Variants in PAQR8 observed in about 807,000 individuals in gnomAD.
The protein encoded by PAQR8 is membrane progestin receptor beta.
Under a neutral mutation model 25.2 loss-of-function variants are expected in PAQR8, and 17 were observed. The observed-to-expected ratio is 0.67, with a 90% CI of 0.46 to 1.01. The LOEUF (loss-of-function observed/expected upper bound fraction) is 1.01, where lower values mean the gene tolerates loss of function less well. Among genes scored for constraint, PAQR8 ranks in the 50% least tolerant of loss-of-function variants. The probability of loss-of-function intolerance (pLI) is 0.00; values close to 1 mark genes in which losing one functional copy is unlikely to be tolerated. For missense variants in PAQR8, 392 were observed against 448.4 expected, an observed-to-expected ratio of 0.87 and a Z score of 1.14; for synonymous variants, 204 against 190.6, an observed-to-expected ratio of 1.07 and a Z score of -0.58.
chr6:52,399,334 G>A (rs1222874328), intron 1 of PAQR8, among the ~76,000 whole-genome samples: 1 of 152,192 alleles, frequency 6.6e-6, no homozygotes, highest in Non-Finnish European at 1.5e-5. Context: ...TAATAAGGCA[G>A]TATCATGTTC....
chr6:52,365,672 T>C (rs1763343600), intron 1 of PAQR8, among the ~76,000 whole-genome samples: 1 of 152,244 alleles, frequency 6.6e-6, no homozygotes, highest in Admixed American at 6.5e-5. Context: ...TGCAACTAAC[T>C]ACAAATAGAA....
intron 1 of PAQR8, among the ~76,000 whole-genome samples, chr6:52,370,406 A>G (rs1056751660): frequency 1.3e-5 from 2 of 152,230 alleles, no homozygotes; most frequent in African/African-American, 4.8e-5. Context: ...CAACACTGCT[A>G]GATTCCTTGA....
At chr6:52,364,841 GAAT>G (rs1385984680) in intron 1 of PAQR8, among the ~76,000 whole-genome samples, 1 of 152,216 alleles carries the variant, frequency 6.6e-6, no homozygotes, top group Non-Finnish European at 1.5e-5. Context: ...GTTGGTCCCT[GAAT>G]AACACCGGGG....
intron 1 of PAQR8, among the ~76,000 whole-genome samples, chr6:52,401,499 A>G (rs1763829252): frequency 6.6e-6 from 1 of 152,234 alleles, no homozygotes; most frequent in South Asian, 2.1e-4. Context: ...GAGAAATACA[A>G]GTGTAAGTTA....
At chr6:52,391,757 A>C (rs1763712053) in intron 1 of PAQR8, among the ~76,000 whole-genome samples, 1 of 152,214 alleles carries the variant, frequency 6.6e-6, no homozygotes, top group Admixed American at 6.5e-5. Flanking sequence ...ATTTATAATT[A>C]TGCAGTGATG....
Position 52,404,062 on chromosome 6 carries a change from G to A in PAQR8, c.849G>A (p.Gln283=), listed in dbSNP as rs1763878026. The A allele has an allele frequency of 6.2e-7, 1 of 1,614,232 alleles. No individual in the cohort carries two copies. The part of the protein sequence containing the change: ...GSCDIVGHGH[Q]IFHAFLSICT... ...GTGACATCGTGGGCCATGGGCATCA[G>A]ATCTTCCATGCATTTCTGTCCATCT... The change falls in exon 2 of 2, where the codon CAG becomes CAA. Residue 283 remains glutamine, a synonymous_variant. Transcript: ENST00000442253.
At chr6:52,402,007 G>A (rs1763835278) in intron 1 of PAQR8, among the ~76,000 whole-genome samples, 2 of 152,116 alleles carry the variant, frequency 1.3e-5, no homozygotes. Context: ...TTATGTTAGG[G>A]TAGCTAACAT....
At position 52,406,778 on chromosome 6, in the gene PAQR8, G is replaced by T. The variant is rs1554256902; in HGVS notation, c.*2500G>T. 1 of 377,104 alleles carries T rather than the reference G, an allele frequency of 2.7e-6. No homozygotes were observed. The highest frequency in any genetic ancestry group is 4.0e-5 in the East Asian group (1 of 25,096). The allele number at this position is 377,104 out of a possible 1,614,324, so 23.4% of individuals were successfully genotyped here. A position where few individuals can be genotyped will look rare whatever the true frequency, so the allele number is the denominator to read the frequency against. Reference sequence around the variant, plus strand: ...GGGTTTTGCCACGTTGCTTAGGCTGGTCTTGAACTCCTGAACTCAAGTGAT... The same window carrying T: ...GGGTTTTGCCACGTTGCTTAGGCTGTTCTTGAACTCCTGAACTCAAGTGAT... On this transcript the variant is annotated 3_prime_UTR_variant, in exon 2 of 2. Transcript: ENST00000442253.
At chr6:52,373,194 G>T (rs1763440896) in intron 1 of PAQR8, among the ~76,000 whole-genome samples, 1 of 152,168 alleles carries the variant, frequency 6.6e-6, no homozygotes, top group Non-Finnish European at 1.5e-5. Context: ...GGTACACAGG[G>T]ACAGAATAGC....
At chr6:52,363,251 G>A (rs1763312492) in intron 1 of PAQR8, among the ~76,000 whole-genome samples, 1 of 152,224 alleles carries the variant, frequency 6.6e-6, no homozygotes, top group Admixed American at 6.5e-5. Context: ...CTGTGCAGCT[G>A]TGGGTGCTCC....
intron 1 of PAQR8, among the ~76,000 whole-genome samples, chr6:52,386,757 A>G (rs765338868): frequency 2.0e-5 from 3 of 152,230 alleles, no homozygotes; most frequent in Non-Finnish European, 2.9e-5. Context: ...TCATACCGCA[A>G]ACCTCAGCAT....
Position 52,397,231 on chromosome 6 carries a change from C to T in PAQR8, c.-52-5931C>T, listed in dbSNP as rs143239889. 1.6e-4 allele frequency among the ~76,000 whole-genome samples: 24 copies of T among 152,238 alleles called. No individual in the cohort carries two copies. In the East Asian group the frequency reaches 4.4e-3, roughly 28 times the overall value. ...ATCAAACCTAAACTTTCACTAATTC[C>T]ACTGCACCTAGCCCACTCCCTTCCT... On this transcript the variant is annotated intron_variant, in intron 1 of 1. Coordinates refer to ENST00000442253, the MANE Select transcript of PAQR8 (RefSeq NM_133367.5).
rs1470556873 is a variant in PAQR8 at position 52,378,232 on chromosome 6, C to T, written c.-53+15983C>T. ...ATATGTAAGTCATTTTAGTAATTATCACTGGCAACTGGATAAAGAACAGTA... is the reference window on the plus strand; with the variant it reads ...ATATGTAAGTCATTTTAGTAATTATTACTGGCAACTGGATAAAGAACAGTA... On this transcript the variant is annotated intron_variant, in intron 1 of 1. Transcript: ENST00000442253. Among the ~76,000 whole-genome samples, 3 of 152,226 alleles carry T rather than the reference C, an allele frequency of 2.0e-5. No individual in the cohort carries two copies. In the East Asian group the frequency reaches 5.8e-4, roughly 29 times the overall value.
At chr6:52,366,851 G>T (rs550679555) in intron 1 of PAQR8, among the ~76,000 whole-genome samples, 1 of 152,194 alleles carries the variant, frequency 6.6e-6, no homozygotes, top group South Asian at 2.1e-4. Flanking sequence ...CTGGGTTCAA[G>T]CAATTATCCT....
chr6:52,383,200 G>A lies in PAQR8; in HGVS notation c.-52-19962G>A, dbSNP rs554418980. Reference sequence around the variant, plus strand: ...GATCTAAAGTAGACATCACGTTAACGTGATAAATGTTACGTTATTCTCTAC... The same window carrying A: ...GATCTAAAGTAGACATCACGTTAACATGATAAATGTTACGTTATTCTCTAC... On this transcript the variant is annotated intron_variant, in intron 1 of 1. Coordinates refer to ENST00000442253, the MANE Select transcript of PAQR8 (RefSeq NM_133367.5). Among the ~76,000 whole-genome samples the A allele has an allele frequency of 4.6e-5, 7 of 152,318 alleles. No homozygotes were observed. The East Asian group carries it at 7.7e-4, about 17-fold the overall frequency.
chr6:52,374,938 AATATT>A (rs1269279068), intron 1 of PAQR8, among the ~76,000 whole-genome samples: 3 of 149,246 alleles, frequency 2.0e-5, no homozygotes, highest in Non-Finnish European at 3.0e-5. Context: ...TAATTAATAT[AATATT>A]ATATTAATAT....
At chr6:52,383,437 G>A (rs1420445333) in intron 1 of PAQR8, among the ~76,000 whole-genome samples, 5 of 152,046 alleles carry the variant, frequency 3.3e-5, no homozygotes, top group East Asian at 1.9e-4. Context: ...CGAGGCGGGC[G>A]GATCACGAGG....
chr6:52,394,877 A>T (rs935308921), intron 1 of PAQR8, among the ~76,000 whole-genome samples: 14 of 152,136 alleles, frequency 9.2e-5, no homozygotes, highest in African/African-American at 3.4e-4. Context: ...TTTGGCTAAA[A>T]TGTCAGATTT....
Position 52,393,325 on chromosome 6 carries a change from T to TTC in PAQR8, c.-52-9829_-52-9828dup, listed in dbSNP as rs1330935269. Reference sequence around the variant, plus strand: ...TGTTTGATACTATTATTCTGACACTTTCTCTCTCTTTTTTTTTTTTTTTTT... The same window carrying TTC: ...TGTTTGATACTATTATTCTGACACTTTCTCTCTCTCTTTTTTTTTTTTTTTTT... On this transcript the variant is annotated intron_variant, in intron 1 of 1. Transcript: ENST00000442253. Among the ~76,000 whole-genome samples the TTC allele has an allele frequency of 5.8e-4, 79 of 137,118 alleles. 2 individuals carry two copies. The highest frequency in any genetic ancestry group is 1.8e-3 in the African/African-American group (66 of 36,698). The allele number at this position is 137,118 out of a possible 152,430, so 90.0% of individuals were successfully genotyped here.
Sources: allele counts gnomAD v4.1 joint callset (sites outside exome capture counted in the v4.1 genomes callset), GRCh38; gene constraint gnomAD v4.1.1; transcripts MANE v1.5; gene names NCBI Gene and HGNC (gene_info 2026-07-23, HGNC 2026-07-21).